The following OXR1 variants were observed in gnomAD, a reference collection of about 807,000 sequenced individuals.
OXR1 encodes oxidation resistance 1.
Under a neutral mutation model 104.6 loss-of-function variants are expected in OXR1, and 41 were observed. The observed-to-expected ratio is 0.39, with a 90% CI of 0.31 to 0.51. The LOEUF (loss-of-function observed/expected upper bound fraction) is 0.51. Ranked by LOEUF, OXR1 falls within the 20% of genes least tolerant of loss-of-function variation. OXR1 has a pLI of 0.77. For synonymous variants in OXR1, 348 were observed against 348.4 expected, an observed-to-expected ratio of 1.00 and a Z score of 0.01; for missense variants, 955 against 1,031.9, an observed-to-expected ratio of 0.93 and a Z score of 1.02.
At chr8:106,621,251 T>C (rs901986885) in intron 3 of OXR1, among the ~76,000 whole-genome samples, 14 of 152,106 alleles carry the variant, frequency 9.2e-5, no homozygotes, top group African/African-American at 3.4e-4. Flanking sequence ...TTTCCTGCCT[T>C]GATTCTTTCC....
At chr8:106,573,344 TACACACAC>T (rs3046716) in intron 3 of OXR1, among the ~76,000 whole-genome samples, 2,167 of 146,386 alleles carry the variant, frequency 0.015, 40 homozygotes, top group Middle Eastern at 0.045. Flanking sequence ...AACCATCACA[TACACACAC>T]ACACACACAC....
intron 1 of OXR1, among the ~76,000 whole-genome samples, chr8:106,332,592 A>T (rs1467861604): frequency 6.6e-6 from 1 of 152,128 alleles, no homozygotes; most frequent in Non-Finnish European, 1.5e-5. Flanking sequence ...TAATTCTTTT[A>T]AAAAATTTGA....
chr8:106,684,258 C>A lies in OXR1; in HGVS notation c.424C>A (p.Pro142Thr). ...AVVTGQVLYV[P>T]DPEYVSSVES... ...TGTTTTCTTACAGGTTCTGTATGTT[C>A]CTGATCCTGAATATGTCTCCAGTGT... Residue 142 changes from proline to threonine, a missense_variant, in exon 6 of 17, where the codon CCT becomes ACT. Transcript: ENST00000517566. 1 of 1,573,902 alleles carries A rather than the reference C, an allele frequency of 6.4e-7. No individual in the cohort carries two copies. Among genetic ancestry groups the A allele is most frequent in the Non-Finnish European group, 8.7e-7 (1 of 1,144,134 alleles).
At chr8:106,326,710 T>G (rs1373026007) in intron 1 of OXR1, among the ~76,000 whole-genome samples, 1 of 152,012 alleles carries the variant, frequency 6.6e-6, no homozygotes, top group African/African-American at 2.4e-5. Flanking sequence ...GCAAGGACCA[T>G]GAGGTGGGAA....
chr8:106,490,873 A>G (rs897796230), intron 2 of OXR1, among the ~76,000 whole-genome samples: 1 of 152,188 alleles, frequency 6.6e-6, no homozygotes, highest in African/African-American at 2.4e-5. Context: ...GGGGAGCTGT[A>G]GGAGATAATG....
At chr8:106,547,184 C>T (rs1421618346) in intron 3 of OXR1, among the ~76,000 whole-genome samples, 3 of 152,080 alleles carry the variant, frequency 2.0e-5, no homozygotes, top group Non-Finnish European at 4.4e-5. Context: ...CCACCATACC[C>T]AGCCCATTTT....
intron 3 of OXR1, among the ~76,000 whole-genome samples, chr8:106,611,959 T>G (rs1429509944): frequency 6.6e-6 from 1 of 152,038 alleles, no homozygotes; most frequent in Non-Finnish European, 1.5e-5. Context: ...AAATAGGTCA[T>G]TCTGTTTTTC....
intron 2 of OXR1, among the ~76,000 whole-genome samples, chr8:106,362,889 G>T (rs1200228590): frequency 6.6e-6 from 1 of 152,202 alleles, no homozygotes; most frequent in Admixed American, 6.5e-5. Flanking sequence ...CTGGAGATTA[G>T]CAAGGAATTG....
Position 106,692,758 on chromosome 8 carries a change from C to T in OXR1, c.556C>T (p.Pro186Ser), listed in dbSNP as rs1315583635. 2 of 1,559,194 alleles carry T rather than the reference C, an allele frequency of 1.3e-6. No individual in the cohort carries two copies. The highest frequency in any genetic ancestry group is 1.7e-6 in the Non-Finnish European group (2 of 1,151,522). Residue 186 changes from proline to serine, a missense_variant, in exon 7 of 17, where the codon CCC (proline) becomes TCC (serine). Physicochemically the swap from Pro to Ser is moderately conservative, Grantham distance 74. Coordinates refer to ENST00000517566, the MANE Select transcript of OXR1 (RefSeq NM_001198533.2). Reference protein sequence around the residue: ...NPDVHPTEATPSSTFTGIRPA... With the variant: ...NPDVHPTEATSSSTFTGIRPA... ...TGATGTCCATCCAACAGAAGCAACTCCCTCATCTACTTTCACTGGTATTCG... is the reference window on the plus strand; with the variant it reads ...TGATGTCCATCCAACAGAAGCAACTTCCTCATCTACTTTCACTGGTATTCG...
At chr8:106,581,887 G>A (rs1401697731) in intron 3 of OXR1, among the ~76,000 whole-genome samples, 2 of 151,568 alleles carry the variant, frequency 1.3e-5, no homozygotes, top group African/African-American at 4.8e-5. Context: ...AGCTGAGTGT[G>A]GTGGCAGGTG....
chr8:106,338,583 A>T (rs565421864), intron 1 of OXR1, among the ~76,000 whole-genome samples: 9 of 150,902 alleles, frequency 6.0e-5, no homozygotes, highest in Non-Finnish European at 1.2e-4. Flanking sequence ...AAAAAAAAGC[A>T]ACCCAGTGTT....
intron 2 of OXR1, among the ~76,000 whole-genome samples, chr8:106,504,292 G>A (rs1812007829): frequency 6.6e-6 from 1 of 152,170 alleles, no homozygotes; most frequent in African/African-American, 2.4e-5. Context: ...GAGTCCAGAG[G>A]AGCACCCTTG....
intron 6 of OXR1, among the ~76,000 whole-genome samples, chr8:106,684,904 T>G (rs1043662122): frequency 3.9e-5 from 6 of 152,198 alleles, no homozygotes; most frequent in Non-Finnish European, 8.8e-5. Flanking sequence ...TTAATAATTT[T>G]GATTAAAATC....
At chr8:106,357,355 C>T (rs1027616992) in intron 1 of OXR1, among the ~76,000 whole-genome samples, 5 of 151,756 alleles carry the variant, frequency 3.3e-5, no homozygotes, top group Admixed American at 2.6e-4. Context: ...GTCTATATGC[C>T]GTAACAATTT....
chr8:106,277,454 G>A (rs1812096223), intron 1 of OXR1, among the ~76,000 whole-genome samples: 1 of 152,164 alleles, frequency 6.6e-6, no homozygotes, highest in Non-Finnish European at 1.5e-5. Flanking sequence ...CACTTCAGCT[G>A]TGCCCTTGCA....
At chr8:106,711,688 A>G (rs1389287636) in intron 10 of OXR1, among the ~76,000 whole-genome samples, 2 of 152,156 alleles carry the variant, frequency 1.3e-5, no homozygotes, top group East Asian at 3.8e-4. Flanking sequence ...CATCTGTACA[A>G]CAGCAGTAAT....
At chr8:106,510,846 T>A (rs1812476221) in intron 2 of OXR1, among the ~76,000 whole-genome samples, 1 of 152,206 alleles carries the variant, frequency 6.6e-6, no homozygotes, top group Non-Finnish European at 1.5e-5. Context: ...CATCTTGTTA[T>A]AACAAACTAT....
intron 2 of OXR1, among the ~76,000 whole-genome samples, chr8:106,382,682 GTTTTTTTT>G (rs35296978): frequency 4.6e-5 from 4 of 86,214 alleles, no homozygotes; most frequent in Non-Finnish European, 6.5e-5. Context: ...AGAACTATAG[GTTTTTTTT>G]TTTTTTTTTT....
chr8:106,408,419 C>T (rs1320921649), intron 2 of OXR1, among the ~76,000 whole-genome samples: 1 of 152,066 alleles, frequency 6.6e-6, no homozygotes, highest in Non-Finnish European at 1.5e-5. Flanking sequence ...TCTTTCTTCT[C>T]CTCCTCCCCC....
Sources: allele counts gnomAD v4.1 joint callset (sites outside exome capture counted in the v4.1 genomes callset), GRCh38; gene constraint gnomAD v4.1.1; transcripts MANE v1.5; gene names NCBI Gene and HGNC (gene_info 2026-07-23, HGNC 2026-07-21).